The following SMYD4 variants were observed in gnomAD, a reference collection of about 807,000 sequenced individuals.
The protein encoded by SMYD4 is SET and MYND domain containing 4.
A neutral mutation model predicts 72.8 loss-of-function variants in SMYD4; 68 were observed. The observed-to-expected ratio is 0.93, with a 90% CI of 0.77 to 1.14. The LOEUF (loss-of-function observed/expected upper bound fraction) is 1.14, where lower values mean the gene tolerates loss of function less well. SMYD4 is among the 50% of genes most tolerant of loss of function. The pLI is 0.00. For missense variants in SMYD4, 984 were observed against 1,003.7 expected (o/e 0.98, Z 0.27); for synonymous variants, 407 against 388.6 (o/e 1.05, Z -0.56).
At position 1,788,625 on chromosome 17, in the gene SMYD4, G is replaced by A. The variant is rs563357900; in HGVS notation, c.1538-1021C>T. ...CTGGGTGTGGTGGTACGTGCCTGTAGTCCCAGCTACTCAGGAGGCTGAGGC... is the reference window on the plus strand; with the variant it reads ...CTGGGTGTGGTGGTACGTGCCTGTAATCCCAGCTACTCAGGAGGCTGAGGC... On this transcript the variant is annotated intron_variant, in intron 5 of 10. Transcript: ENST00000305513. 5.3e-5 allele frequency among the ~76,000 whole-genome samples: 8 copies of A among 151,900 alleles called. No individual in the cohort carries two copies. The South Asian group carries it at 1.7e-3, about 32-fold the overall frequency.
rs887881804 is a variant in SMYD4 at position 1,822,969 on chromosome 17, C to T, written c.134+4892G>A. Among the ~76,000 whole-genome samples, 4 of 152,228 alleles carry T rather than the reference C, an allele frequency of 2.6e-5. No individual in the cohort carries two copies. In the South Asian group the frequency reaches 8.3e-4, roughly 32 times the overall value. The stretch of plus-strand genomic sequence containing the variant: ...GAAGCCTTAAAGAAATGGACATACC[C>T]TTTATTTGGATTAGGAAATTTAATA... On this transcript the variant is annotated intron_variant, in intron 2 of 10. Transcript: ENST00000305513.
At chr17:1,797,360 TAGAA>T (rs1455918727) in intron 5 of SMYD4, among the ~76,000 whole-genome samples, 3 of 152,206 alleles carry the variant, frequency 2.0e-5, no homozygotes, top group African/African-American at 7.2e-5. Flanking sequence ...GATCATAAAA[TAGAA>T]AGACTACAAA....
chr17:1,810,788 T>G (rs77651432), intron 3 of SMYD4, among the ~76,000 whole-genome samples: 2,904 of 152,326 alleles, frequency 0.019, 37 homozygotes, highest in Non-Finnish European at 0.03. Context: ...GTCAGGAGTA[T>G]GCCGGCGGAA....
chr17:1,785,067 G>A (rs1348079734), intron 7 of SMYD4, among the ~76,000 whole-genome samples: 7 of 149,526 alleles, frequency 4.7e-5, no homozygotes, highest in African/African-American at 9.8e-5. Context: ...GATTACAGGC[G>A]TGAGCCACCG....
At chr17:1,810,282 ATTAC>A (rs1258829181) in intron 3 of SMYD4, among the ~76,000 whole-genome samples, 1 of 151,906 alleles carries the variant, frequency 6.6e-6, no homozygotes, top group East Asian at 1.9e-4. Context: ...GAACACATAA[ATTAC>A]TTTTTTTTTT....
intron 3 of SMYD4, among the ~76,000 whole-genome samples, chr17:1,809,746 T>A (rs534996934): frequency 8.0e-5 from 12 of 150,546 alleles, no homozygotes; most frequent in African/African-American, 2.9e-4. Context: ...CTCGGCTCAC[T>A]GCAAGCTCCG....
intron 5 of SMYD4, among the ~76,000 whole-genome samples, chr17:1,796,535 C>A (rs1909421484): frequency 6.6e-6 from 1 of 151,780 alleles, no homozygotes; most frequent in Non-Finnish European, 1.5e-5. Context: ...CTCCCAGGTT[C>A]AAGCAATTCT....
chr17:1,785,357 T>C (rs751744437), intron 7 of SMYD4, among the ~76,000 whole-genome samples: 24 of 131,116 alleles, frequency 1.8e-4, no homozygotes, highest in African/African-American at 4.1e-4. Context: ...ACCCGGGAGG[T>C]GGAGCTTGCA....
At chr17:1,799,371 T>C (rs893218695) in intron 5 of SMYD4, among the ~76,000 whole-genome samples, 6 of 151,040 alleles carry the variant, frequency 4.0e-5, no homozygotes, top group Admixed American at 6.6e-5. Flanking sequence ...CGGAATCAAA[T>C]AATTTTTTTT....
rs770392187 is a variant in SMYD4 at position 1,812,077 on chromosome 17, C to T, written c.173G>A (p.Gly58Asp). 1.2e-6 allele frequency: 2 copies of T among 1,614,062 alleles called. No homozygotes were observed. The highest frequency in any genetic ancestry group is 2.7e-5 in the African/African-American group (2 of 75,010). The stretch of plus-strand genomic sequence containing the variant: ...GTCCGAGTCCTTTCCCACCAAGTAA[C>T]CTTTAGAAAGTCTTTTTAGAAACAG... Reference protein sequence around the residue: ...DELFLKRLSKGYLVGKDSDAP... With the variant: ...DELFLKRLSKDYLVGKDSDAP... The change falls in exon 3 of 11, where the codon GGT (glycine) becomes GAT (aspartate). Residue 58 changes from glycine to aspartate, a missense_variant. Physicochemically the swap from Gly to Asp is moderately conservative, Grantham distance 94 (BLOSUM62 -1). Transcript: ENST00000305513.
intron 4 of SMYD4, among the ~76,000 whole-genome samples, chr17:1,801,247 C>CA: frequency 1.6e-5 from 1 of 63,224 alleles, no homozygotes; most frequent in African/African-American, 6.3e-5. Flanking sequence ...TAAATTTTTT[C>CA]TTTTTTTTTG....
intron 1 of SMYD4, among the ~76,000 whole-genome samples, chr17:1,828,641 AG>A (rs1911336929): frequency 7.2e-6 from 1 of 139,298 alleles, no homozygotes; most frequent in South Asian, 2.2e-4. Flanking sequence ...TCTGTCACCC[AG>A]GCTGGAGTGC....
chr17:1,808,048 A>T (rs1049891585), intron 3 of SMYD4, among the ~76,000 whole-genome samples: 8 of 152,322 alleles, frequency 5.3e-5, no homozygotes, highest in Admixed American at 5.2e-4. Flanking sequence ...AGGGGATGTT[A>T]ACTAGTTCTT....
chr17:1,805,173 T>C (rs1909970119), intron 3 of SMYD4, among the ~76,000 whole-genome samples: 1 of 152,106 alleles, frequency 6.6e-6, no homozygotes, highest in Admixed American at 6.6e-5. Context: ...TTCCAGCACT[T>C]TGGGAGGCTG....
intron 5 of SMYD4, among the ~76,000 whole-genome samples, chr17:1,798,171 C>G (rs887567664): frequency 1.3e-5 from 2 of 151,034 alleles, no homozygotes; most frequent in African/African-American, 4.9e-5. Flanking sequence ...CAGGGTTTCA[C>G]CCAGGCTGGA....
chr17:1,796,748 T>C (rs1909430076), intron 5 of SMYD4, among the ~76,000 whole-genome samples: 1 of 152,158 alleles, frequency 6.6e-6, no homozygotes, highest in Non-Finnish European at 1.5e-5. Flanking sequence ...TTAAGTATTT[T>C]AAAGGCAAGA....
intron 2 of SMYD4, 134 bp downstream of exon 2, chr17:1,827,727 G>A: frequency 1.6e-6 from 2 of 1,244,524 alleles, no homozygotes; most frequent in South Asian, 3.5e-5. Flanking sequence ...CTTGAGCCCA[G>A]AAATTTGAGA....
chr17:1,822,353 G>A (rs1910937190), intron 2 of SMYD4, among the ~76,000 whole-genome samples: 1 of 152,110 alleles, frequency 6.6e-6, no homozygotes, highest in African/African-American at 2.4e-5. Context: ...TTCCTGATAA[G>A]TTTTGAAGCA....
intron 2 of SMYD4, among the ~76,000 whole-genome samples, chr17:1,816,568 C>T (rs926407688): frequency 3.3e-5 from 5 of 150,844 alleles, no homozygotes; most frequent in East Asian, 3.9e-4. Flanking sequence ...TGCAGTGAGC[C>T]GAGAGCACAC....
Sources: allele counts gnomAD v4.1 joint callset (sites outside exome capture counted in the v4.1 genomes callset), GRCh38; gene constraint gnomAD v4.1.1; transcripts MANE v1.5; gene names NCBI Gene and HGNC (gene_info 2026-07-23, HGNC 2026-07-21).